Variants in ADAMTSL1 observed in about 807,000 individuals in gnomAD.
ADAMTSL1 encodes ADAMTS-like protein 1.
ADAMTSL1 carries 126 observed loss-of-function variants against 201.8 expected under a neutral mutation model. The observed-to-expected ratio is 0.62, with a 90% CI of 0.54 to 0.72. The LOEUF is 0.72. ADAMTSL1 is among the 30% of genes least tolerant of loss of function. ADAMTSL1 has a pLI of 0.00. For missense variants in ADAMTSL1, 2,679 were observed against 2,277.8 expected (o/e 1.18, Z -3.59); for synonymous variants, 1,121 against 903.4 (o/e 1.24, Z -4.32).
At chr9:18,228,033 GACTA>G (rs1226774691) in intron 2 of ADAMTSL1, among the ~76,000 whole-genome samples, 13 of 152,252 alleles carry the variant, frequency 8.5e-5, no homozygotes, top group African/African-American at 1.9e-4. Context: ...TCTTACAAGT[GACTA>G]ACTAACAACA....
At chr9:18,129,889 T>TAAAGG (rs1825878434) in intron 1 of ADAMTSL1, among the ~76,000 whole-genome samples, 2 of 152,016 alleles carry the variant, frequency 1.3e-5, no homozygotes, top group African/African-American at 2.4e-5. Context: ...GGGAAGCAGG[T>TAAAGG]AAAGGAAAGG....
At chr9:18,817,323 A>C in intron 21 of ADAMTSL1, 86 bp downstream of exon 21, 5 of 1,374,008 alleles carry the variant, frequency 3.6e-6, no homozygotes, top group Non-Finnish European at 4.9e-6. Context: ...CACAAATTCT[A>C]CTCTCAGGGA....
At chr9:18,383,707 A>G (rs1837661283) in intron 2 of ADAMTSL1, among the ~76,000 whole-genome samples, 1 of 152,188 alleles carries the variant, frequency 6.6e-6, no homozygotes, top group African/African-American at 2.4e-5. Flanking sequence ...AAACTGAAAG[A>G]CACTGTCCTA....
intron 4 of ADAMTSL1, among the ~76,000 whole-genome samples, chr9:18,595,454 G>A (rs1181466618): frequency 1.3e-5 from 2 of 152,132 alleles, no homozygotes; most frequent in Non-Finnish European, 2.9e-5. Flanking sequence ...GGAGAGCCTG[G>A]TCTTAGCTCA....
intron 1 of ADAMTSL1, among the ~76,000 whole-genome samples, chr9:18,043,061 C>T (rs915159376): frequency 5.9e-5 from 9 of 152,124 alleles, no homozygotes; most frequent in African/African-American, 1.7e-4. Flanking sequence ...AACATTTACA[C>T]GCTAGAAAAC....
chr9:18,748,781 A>G (rs573048771), intron 15 of ADAMTSL1, among the ~76,000 whole-genome samples: 1 of 152,336 alleles, frequency 6.6e-6, no homozygotes, highest in East Asian at 1.9e-4. Context: ...GTGTATTCAT[A>G]TTCAGAGCTG....
At chr9:18,282,389 A>G (rs759850544) in intron 2 of ADAMTSL1, among the ~76,000 whole-genome samples, 2 of 152,200 alleles carry the variant, frequency 1.3e-5, no homozygotes, top group Admixed American at 6.6e-5. Flanking sequence ...TGCAGGAGGT[A>G]TCTTCTTTAT....
At chr9:18,725,082 AT>A (rs1017356049) in intron 15 of ADAMTSL1, among the ~76,000 whole-genome samples, 25 of 152,114 alleles carry the variant, frequency 1.6e-4, no homozygotes, top group African/African-American at 4.3e-4. Flanking sequence ...AATATTTTGT[AT>A]TTTTAGTAGG....
intron 1 of ADAMTSL1, among the ~76,000 whole-genome samples, chr9:17,992,083 G>A (rs1819175250): frequency 6.6e-6 from 1 of 152,058 alleles, no homozygotes; most frequent in East Asian, 1.9e-4. Context: ...CCCTTCTGTG[G>A]GTGTGACGCT....
At chr9:17,964,006 A>G (rs1817866135) in intron 1 of ADAMTSL1, among the ~76,000 whole-genome samples, 1 of 152,144 alleles carries the variant, frequency 6.6e-6, no homozygotes, top group Non-Finnish European at 1.5e-5. Flanking sequence ...AGTGCAATAT[A>G]TGGCACCAAT....
intron 15 of ADAMTSL1, among the ~76,000 whole-genome samples, chr9:18,735,897 TAA>T (rs5896803): frequency 0.22 from 31,222 of 143,572 alleles, 3,584 homozygotes; most frequent in Middle Eastern, 0.31. Flanking sequence ...TCTCTCAAAT[TAA>T]AAAAAAAAAA....
At chr9:18,739,183 C>T (rs976421522) in intron 15 of ADAMTSL1, among the ~76,000 whole-genome samples, 1 of 152,188 alleles carries the variant, frequency 6.6e-6, no homozygotes, top group African/African-American at 2.4e-5. Context: ...CCAATAACTA[C>T]TGGAAGCTAT....
intron 2 of ADAMTSL1, among the ~76,000 whole-genome samples, chr9:18,254,658 T>TGCCCCCCC (rs1469554802): frequency 2.9e-5 from 3 of 103,842 alleles, no homozygotes; most frequent in East Asian, 3.0e-4. Flanking sequence ...CCACCGCGCC[T>TGCCCCCCC]GCCCCCCCGC....
chr9:17,992,800 T>G (rs16936192), intron 1 of ADAMTSL1, among the ~76,000 whole-genome samples: 11,795 of 152,188 alleles, frequency 0.078, 1,405 homozygotes, highest in African/African-American at 0.26. Context: ...AGAAGAAAAC[T>G]GAGAGGTCAT....
Position 18,887,821 on chromosome 9 carries a change from C to T in ADAMTSL1, c.4250-10C>T. 6.2e-7 allele frequency: 1 copy of T among 1,611,782 alleles called. No individual in the cohort carries two copies. The highest frequency in any genetic ancestry group is 8.5e-7 in the Non-Finnish European group (1 of 1,178,590). ...TTTACTAAGGCTTACTTCTTTTCCTCTCCTTCTAGGCTGCCCCATCAAAGG... is the reference window on the plus strand; with the variant it reads ...TTTACTAAGGCTTACTTCTTTTCCTTTCCTTCTAGGCTGCCCCATCAAAGG... On this transcript the variant is annotated splice_polypyrimidine_tract_variant and intron_variant, in intron 23 of 28. Transcript: ENST00000380548.
chr9:18,620,889 A>C (rs1393641118), intron 4 of ADAMTSL1, among the ~76,000 whole-genome samples: 1 of 152,226 alleles, frequency 6.6e-6, no homozygotes, highest in Admixed American at 6.5e-5. Flanking sequence ...AAAAACATAC[A>C]TTACCACATT....
At chr9:17,923,575 G>T (rs1297541337) in intron 1 of ADAMTSL1, among the ~76,000 whole-genome samples, 6 of 149,032 alleles carry the variant, frequency 4.0e-5, no homozygotes, top group African/African-American at 1.2e-4. Flanking sequence ...TGCAAACAGG[G>T]ACAATTTGAC....
chr9:18,588,896 T>TATATATACATATATATATATATATATAC (rs1823721350), intron 4 of ADAMTSL1, among the ~76,000 whole-genome samples: 1 of 113,956 alleles, frequency 8.8e-6, no homozygotes, highest in African/African-American at 3.0e-5. Context: ...TATATATATA[T>TATATATACATATATATATATATATATAC]ATATATACAT....
chr9:18,570,815 G>C, intron 3 of ADAMTSL1, among the ~76,000 whole-genome samples: 1 of 152,184 alleles, frequency 6.6e-6, no homozygotes, highest in East Asian at 1.9e-4. Context: ...TGGAAGGAAA[G>C]ACAGTAGTGA....
Sources: gnomAD v4.1 joint callset for allele counts (sites outside exome capture counted in the v4.1 genomes callset) on GRCh38, gnomAD v4.1.1 for gene constraint, MANE v1.5 for transcripts, NCBI Gene and HGNC (gene_info 2026-07-23, HGNC 2026-07-21) for gene names.